Variants in CBFB observed in about 807,000 individuals in gnomAD.
The protein encoded by CBFB is CBF-beta.
CBFB carries 9 observed loss-of-function variants against 30.4 expected under a neutral mutation model. That is an observed-to-expected ratio of 0.30 (90% CI 0.18 to 0.52). CBFB has a LOEUF of 0.52. CBFB is among the 20% of genes least tolerant of loss of function. The pLI is 0.97. For missense variants in CBFB, 170 were observed against 244.0 expected (o/e 0.70, Z 2.02); for synonymous variants, 94 against 84.0 (o/e 1.12, Z -0.65).
chr16:67,084,629 AGTTTTATGATATGT>A (rs1406574210), intron 5 of CBFB, among the ~76,000 whole-genome samples: 2 of 152,230 alleles, frequency 1.3e-5, no homozygotes, highest in Non-Finnish European at 2.9e-5. Flanking sequence ...TAAGATGGTA[AGTTTTATGATATGT>A]GTATTTCACC....
intron 4 of CBFB, 105 bp downstream of exon 4, chr16:67,066,903 A>G: frequency 1.6e-6 from 1 of 625,422 alleles, no homozygotes. Context: ...TATAGAAAGT[A>G]TTGTGTTGAA....
chr16:67,069,576 A>G (rs535367061), intron 4 of CBFB, among the ~76,000 whole-genome samples: 1 of 152,348 alleles, frequency 6.6e-6, no homozygotes, highest in South Asian at 2.1e-4. Context: ...AAGAAGTAGT[A>G]GCCAAAAACT....
chr16:67,090,398 G>A (rs1393390329), intron 5 of CBFB, among the ~76,000 whole-genome samples: 1 of 152,176 alleles, frequency 6.6e-6, no homozygotes, highest in Non-Finnish European at 1.5e-5. Context: ...TTCTGTCTGA[G>A]AATCCTTCCT....
At chr16:67,097,779 C>A (rs1686599574) in intron 5 of CBFB, among the ~76,000 whole-genome samples, 1 of 151,992 alleles carries the variant, frequency 6.6e-6, no homozygotes, top group Non-Finnish European at 1.5e-5. Flanking sequence ...TTAGTTCTAG[C>A]CAGGTCCTAT....
intron 4 of CBFB, among the ~76,000 whole-genome samples, chr16:67,072,363 G>T (rs184981994): frequency 9.2e-5 from 14 of 152,060 alleles, no homozygotes; most frequent in African/African-American, 3.4e-4. Context: ...AGAATACTTA[G>T]TCTTGATATT....
At chr16:67,036,079 T>C (rs1265095803) in intron 2 of CBFB, among the ~76,000 whole-genome samples, 1 of 152,202 alleles carries the variant, frequency 6.6e-6, no homozygotes, top group Admixed American at 6.5e-5. Flanking sequence ...AAAAGACATA[T>C]TTTTAAAAAT....
intron 3 of CBFB, among the ~76,000 whole-genome samples, chr16:67,047,295 C>T (rs185300882): frequency 3.9e-4 from 60 of 152,186 alleles, no homozygotes; most frequent in Non-Finnish European, 8.7e-4. Context: ...AAAAATAAAA[C>T]GTGCCTCTTG....
At position 67,063,143 on chromosome 16, in the gene CBFB, C is replaced by T. The variant is rs114842246; in HGVS notation, c.283-3539C>T. 6.5e-3 allele frequency among the ~76,000 whole-genome samples: 987 copies of T among 152,152 alleles called. 12 individuals are homozygous for T. Among genetic ancestry groups the T allele is most frequent in the African/African-American group, 0.022 (908 of 41,504 alleles). On this transcript the variant is annotated intron_variant, in intron 3 of 5. Transcript: ENST00000412916. ...GTTTTGTGATGGGTTGAGCAGAGGT[C>T]GGCATAGTCACTTGTTTGATTTGAT... is the stretch of plus-strand genomic sequence containing the variant.
intron 3 of CBFB, among the ~76,000 whole-genome samples, chr16:67,053,059 T>A (rs1395360687): frequency 6.6e-6 from 1 of 151,448 alleles, no homozygotes; most frequent in Non-Finnish European, 1.5e-5. Context: ...GTTCTTTTCC[T>A]CAACCCGTCT....
intron 3 of CBFB, among the ~76,000 whole-genome samples, chr16:67,048,618 T>C (rs778813432): frequency 1.1e-4 from 17 of 152,094 alleles, no homozygotes; most frequent in Non-Finnish European, 2.5e-4. Flanking sequence ...TGGCATGATC[T>C]CAGCTCACTG....
At chr16:67,044,117 G>C (rs1966581195) in intron 3 of CBFB, among the ~76,000 whole-genome samples, 1 of 152,120 alleles carries the variant, frequency 6.6e-6, no homozygotes, top group African/African-American at 2.4e-5. Flanking sequence ...AGTGATTATG[G>C]TTGACCATAA....
chr16:67,089,741 T>A (rs989193565), intron 5 of CBFB, among the ~76,000 whole-genome samples: 2 of 152,164 alleles, frequency 1.3e-5, no homozygotes, highest in Non-Finnish European at 2.9e-5. Flanking sequence ...CTGGATGTAG[T>A]GGAATGAGCA....
intron 3 of CBFB, among the ~76,000 whole-genome samples, chr16:67,062,778 G>C (rs1370112066): frequency 6.6e-6 from 1 of 151,974 alleles, no homozygotes; most frequent in Non-Finnish European, 1.5e-5. Context: ...GGGAGACAGA[G>C]TGAGACTCTG....
chr16:67,070,124 A>G (rs777887838), intron 4 of CBFB, among the ~76,000 whole-genome samples: 2 of 152,266 alleles, frequency 1.3e-5, no homozygotes, highest in Non-Finnish European at 2.9e-5. Flanking sequence ...TCTTTGTTGT[A>G]TCTTCCCATA....
At chr16:67,037,542 T>G (rs1966462046) in intron 3 of CBFB, among the ~76,000 whole-genome samples, 1 of 152,156 alleles carries the variant, frequency 6.6e-6, no homozygotes, top group Middle Eastern at 3.2e-3. Flanking sequence ...GAGAAAAAGT[T>G]TCTGGGAACA....
intron 3 of CBFB, among the ~76,000 whole-genome samples, chr16:67,054,648 C>T (rs1254130364): frequency 6.6e-6 from 1 of 152,146 alleles, no homozygotes; most frequent in Non-Finnish European, 1.5e-5. Flanking sequence ...TATTTTCTTA[C>T]TGTCTCTTTT....
At chr16:67,092,704 T>C (rs1210417645) in intron 5 of CBFB, among the ~76,000 whole-genome samples, 1 of 102,874 alleles carries the variant, frequency 9.7e-6, no homozygotes, top group African/African-American at 6.5e-5. Flanking sequence ...CAATCTTTTT[T>C]TTTTTTTTTT....
intron 3 of CBFB, among the ~76,000 whole-genome samples, chr16:67,056,291 T>TA (rs1217865233): frequency 6.6e-6 from 1 of 152,240 alleles, no homozygotes; most frequent in Admixed American, 6.5e-5. Context: ...AGTCATGAGT[T>TA]ACAGTGCTGT....
chr16:67,073,861 C>T (rs1358250085), intron 4 of CBFB, among the ~76,000 whole-genome samples: 1 of 151,834 alleles, frequency 6.6e-6, no homozygotes, highest in African/African-American at 2.4e-5. Context: ...CATGGTGAAA[C>T]CCGTCTCAAC....
Sources: gnomAD v4.1 joint callset for allele counts (sites outside exome capture counted in the v4.1 genomes callset) on GRCh38, gnomAD v4.1.1 for gene constraint, MANE v1.5 for transcripts, NCBI Gene and HGNC (gene_info 2026-07-23, HGNC 2026-07-21) for gene names.